REEP3: variants seen among roughly 807,000 people sequenced by gnomAD.
The protein encoded by REEP3 is receptor expression-enhancing protein 3.
REEP3 carries 20 observed loss-of-function variants against 41.3 expected under a neutral mutation model. The ratio of observed to expected loss-of-function variants is 0.48; its 90% CI spans 0.34 to 0.70. The LOEUF (loss-of-function observed/expected upper bound fraction) is 0.70, where lower values mean the gene tolerates loss of function less well. Ranked by LOEUF, REEP3 falls within the 30% of genes least tolerant of loss-of-function variation. REEP3 has a pLI of 0.01. For missense variants in REEP3, 271 were observed against 308.8 expected, an observed-to-expected ratio of 0.88 and a Z score of 0.92; for synonymous variants, 104 against 101.8, an observed-to-expected ratio of 1.02 and a Z score of -0.13.
At chr10:63,567,469 T>C (rs1955810875) in intron 2 of REEP3, among the ~76,000 whole-genome samples, 1 of 152,178 alleles carries the variant, frequency 6.6e-6, no homozygotes, top group African/African-American at 2.4e-5. Context: ...CTCAGCATAA[T>C]GTTTTTAAGG....
At chr10:63,545,375 TTTTA>T (rs967471429) in intron 1 of REEP3, among the ~76,000 whole-genome samples, 1 of 152,104 alleles carries the variant, frequency 6.6e-6, no homozygotes, top group Non-Finnish European at 1.5e-5. Flanking sequence ...TTGAACTTCT[TTTTA>T]TTTATTTATT....
chr10:63,544,082 C>CTT (rs1434358361), intron 1 of REEP3, among the ~76,000 whole-genome samples: 5 of 152,124 alleles, frequency 3.3e-5, no homozygotes, highest in African/African-American at 9.7e-5. Flanking sequence ...TCAATTTCAT[C>CTT]TTTGAAATTA....
chr10:63,575,657 T>A (rs1955892559), intron 2 of REEP3, among the ~76,000 whole-genome samples: 1 of 152,222 alleles, frequency 6.6e-6, no homozygotes. Flanking sequence ...TCAATGGATC[T>A]TTTAATTTCT....
chr10:63,571,252 C>T (rs998053981), intron 2 of REEP3, among the ~76,000 whole-genome samples: 4 of 152,166 alleles, frequency 2.6e-5, no homozygotes, highest in African/African-American at 4.8e-5. Context: ...TAATTTGCTA[C>T]CCTGGATAAT....
intron 1 of REEP3, among the ~76,000 whole-genome samples, chr10:63,536,802 G>C (rs1450257897): frequency 6.6e-6 from 1 of 152,122 alleles, no homozygotes; most frequent in Non-Finnish European, 1.5e-5. Flanking sequence ...CAACCACATT[G>C]AAATTCCATT....
Position 63,598,033 on chromosome 10 carries a change from G to T in REEP3, c.192G>T (p.Leu64=). Residue 64 remains leucine, a synonymous_variant, in exon 4 of 8, where the codon CTG becomes CTT. Coordinates refer to ENST00000373758, the MANE Select transcript of REEP3 (RefSeq NM_001001330.3). ...ATGTTTTTCTTATTAGGTTTCCCCT[G>T]TACTATGAGCTGAAGATTGCTTTTG... ...VADQTVAWFP[L]YYELKIAFVI... 6.2e-7 allele frequency: 1 copy of T among 1,612,186 alleles called. No homozygotes were observed. The highest frequency in any genetic ancestry group is 8.5e-7 in the Non-Finnish European group (1 of 1,178,748).
intron 1 of REEP3, among the ~76,000 whole-genome samples, chr10:63,534,967 C>A (rs1463226671): frequency 6.6e-6 from 1 of 152,176 alleles, no homozygotes; most frequent in Non-Finnish European, 1.5e-5. Context: ...CAAAGTATGC[C>A]ATCACTGTCA....
chr10:63,534,894 A>G (rs926153546), intron 1 of REEP3, among the ~76,000 whole-genome samples: 8 of 152,208 alleles, frequency 5.3e-5, no homozygotes, highest in Non-Finnish European at 8.8e-5. Flanking sequence ...GAGGGCAGGA[A>G]CTGTATGAGA....
At chr10:63,542,375 C>A (rs1452119858) in intron 1 of REEP3, among the ~76,000 whole-genome samples, 1 of 152,168 alleles carries the variant, frequency 6.6e-6, no homozygotes, top group Non-Finnish European at 1.5e-5. Flanking sequence ...CACACCCACC[C>A]AACATCACTA....
At chr10:63,587,135 G>A (rs1332941171) in intron 2 of REEP3, among the ~76,000 whole-genome samples, 1 of 152,120 alleles carries the variant, frequency 6.6e-6, no homozygotes, top group Non-Finnish European at 1.5e-5. Flanking sequence ...TAGACTGAAT[G>A]CAGATGATAG....
intron 2 of REEP3, among the ~76,000 whole-genome samples, chr10:63,576,276 C>T (rs901207694): frequency 6.6e-6 from 1 of 152,154 alleles, no homozygotes; most frequent in African/African-American, 2.4e-5. Context: ...GCCATAAGGA[C>T]GTACCACAAG....
intron 1 of REEP3, among the ~76,000 whole-genome samples, chr10:63,529,668 A>G (rs1955400449): frequency 6.6e-6 from 1 of 151,880 alleles, no homozygotes; most frequent in Admixed American, 6.6e-5. Context: ...GGGTCTTGCC[A>G]TATTGCCCAG....
intron 1 of REEP3, among the ~76,000 whole-genome samples, chr10:63,539,154 T>C (rs374959300): frequency 5.3e-4 from 81 of 152,326 alleles, no homozygotes; most frequent in African/African-American, 1.9e-3. Flanking sequence ...TAACACTTTT[T>C]TTTTTTGTAT....
In REEP3 at chr10:63,607,448, C is replaced by T. The variant is rs1416137726; in HGVS notation, c.418-2739C>T. 3.3e-5 allele frequency among the ~76,000 whole-genome samples: 5 copies of T among 152,276 alleles called. No homozygotes were observed. In the East Asian group the frequency reaches 9.6e-4, roughly 29 times the overall value. ...CCTCAAGGTTGGGCCTTGCCTTGCT[C>T]ATGTTTATTCTGAACCTGAAGCAAA... is the stretch of plus-strand genomic sequence containing the variant. On this transcript the variant is annotated intron_variant, in intron 5 of 7. Transcript: ENST00000373758.
intron 6 of REEP3, among the ~76,000 whole-genome samples, chr10:63,618,158 T>C (rs1956326495): frequency 6.6e-6 from 1 of 151,506 alleles, no homozygotes; most frequent in Non-Finnish European, 1.5e-5. Context: ...CACCTGACAA[T>C]TTAAGTATTT....
At chr10:63,552,105 T>C (rs538191755) in intron 1 of REEP3, among the ~76,000 whole-genome samples, 13 of 152,218 alleles carry the variant, frequency 8.5e-5, no homozygotes, top group African/African-American at 3.1e-4. Context: ...AAATATCACT[T>C]AAGAAATACA....
At chr10:63,542,085 GT>G (rs56908733) in intron 1 of REEP3, among the ~76,000 whole-genome samples, 10 of 145,152 alleles carry the variant, frequency 6.9e-5, no homozygotes, top group East Asian at 6.1e-4. Context: ...TTTTGTTTTT[GT>G]TTTTTTTTTT....
intron 2 of REEP3, among the ~76,000 whole-genome samples, chr10:63,581,078 G>C (rs1589875224): frequency 6.6e-6 from 1 of 152,112 alleles, no homozygotes; most frequent in East Asian, 1.9e-4. Flanking sequence ...TTCAGCTAAA[G>C]ATTATATTAT....
At chr10:63,568,967 A>G (rs1380675305) in intron 2 of REEP3, among the ~76,000 whole-genome samples, 2 of 152,078 alleles carry the variant, frequency 1.3e-5, no homozygotes, top group Admixed American at 6.5e-5. Context: ...CCAACTCCCA[A>G]ATTTTTTATT....
Sources: gnomAD v4.1 joint callset for allele counts (sites outside exome capture counted in the v4.1 genomes callset) on GRCh38, gnomAD v4.1.1 for gene constraint, MANE v1.5 for transcripts, NCBI Gene and HGNC (gene_info 2026-07-23, HGNC 2026-07-21) for gene names.